Variants in COP1 observed in about 807,000 individuals in gnomAD.
COP1 encodes the protein COP1 E3 ubiquitin ligase.
A neutral mutation model predicts 101.3 loss-of-function variants in COP1; 24 were observed. The ratio of observed to expected loss-of-function variants is 0.24; its 90% CI spans 0.17 to 0.33. The LOEUF (loss-of-function observed/expected upper bound fraction) is 0.33, where lower values mean the gene tolerates loss of function less well. Among genes scored for constraint, COP1 ranks in the 10% least tolerant of loss-of-function variants. The pLI is 1.00. For synonymous variants in COP1, 347 were observed against 341.9 expected, an observed-to-expected ratio of 1.01 and a Z score of -0.17; for missense variants, 663 against 906.2, an observed-to-expected ratio of 0.73 and a Z score of 3.45.
intron 18 of COP1, among the ~76,000 whole-genome samples, chr1:175,951,450 A>G (rs1649894974): frequency 1.1e-5 from 1 of 93,068 alleles, no homozygotes; most frequent in African/African-American, 3.4e-5. Context: ...ATATATATAT[A>G]TATATATATA....
chr1:176,039,249 T>A lies in COP1; in HGVS notation c.1612+3937A>T, dbSNP rs368056922. Among the ~76,000 whole-genome samples, 11 of 152,228 alleles carry A rather than the reference T, an allele frequency of 7.2e-5. No individual in the cohort carries two copies. The South Asian group carries it at 1.9e-3, about 26-fold the overall frequency. ...GGAATCTCAGGGGAAATTTAAAATA[T>A]TCAGAACTAAGTGAAAATAAAAATA... On this transcript the variant is annotated intron_variant, in intron 14 of 19. Coordinates refer to ENST00000367669, the MANE Select transcript of COP1 (RefSeq NM_022457.7).
At chr1:175,994,042 T>A (rs1007114808) in intron 15 of COP1, among the ~76,000 whole-genome samples, 1 of 152,144 alleles carries the variant, frequency 6.6e-6, no homozygotes, top group Admixed American at 6.5e-5. Context: ...TAAGAGGGGA[T>A]CTCTGGGCAG....
intron 9 of COP1, among the ~76,000 whole-genome samples, chr1:176,090,837 G>A (rs1199385009): frequency 6.6e-6 from 1 of 152,210 alleles, no homozygotes; most frequent in African/African-American, 2.4e-5. Context: ...AATATTGGAA[G>A]AGTTGATGGC....
chr1:176,131,847 C>T (rs907403165), intron 8 of COP1, among the ~76,000 whole-genome samples: 2 of 151,854 alleles, frequency 1.3e-5, no homozygotes, highest in African/African-American at 4.8e-5. Context: ...ATTCACATCA[C>T]TTGTTCAGAG....
intron 15 of COP1, among the ~76,000 whole-genome samples, chr1:175,990,661 G>A (rs779833646): frequency 1.3e-5 from 2 of 152,030 alleles, no homozygotes; most frequent in Non-Finnish European, 2.9e-5. Context: ...CAAAAAGTTT[G>A]TTTTGAGGTG....
rs111728322 is a variant in COP1 at position 176,139,120 on chromosome 1, A to G, written c.832-2573T>C. ...ACCCCATTAAAAAATGGGCACAGACATAAACAGACAATTCCCAAAAGGCAA... is the reference window on the plus strand; with the variant it reads ...ACCCCATTAAAAAATGGGCACAGACGTAAACAGACAATTCCCAAAAGGCAA... On this transcript the variant is annotated intron_variant, in intron 6 of 19. Coordinates refer to ENST00000367669, the MANE Select transcript of COP1 (RefSeq NM_022457.7). 5.3e-3 allele frequency among the ~76,000 whole-genome samples: 803 copies of G among 152,116 alleles called. 7 individuals carry two copies. The highest frequency in any genetic ancestry group is 0.018 in the African/African-American group (740 of 41,462).
At chr1:176,134,594 G>A (rs1184021161) in intron 8 of COP1, among the ~76,000 whole-genome samples, 1 of 152,004 alleles carries the variant, frequency 6.6e-6, no homozygotes, top group Non-Finnish European at 1.5e-5. Context: ...CATTTTAAAT[G>A]TGGGAAAAGT....
chr1:176,107,201 C>T (rs994965157), intron 9 of COP1, among the ~76,000 whole-genome samples: 2 of 151,880 alleles, frequency 1.3e-5, no homozygotes, highest in African/African-American at 4.8e-5. Context: ...AAATATATAA[C>T]AATGTATATT....
chr1:176,182,733 T>C (rs1697955661), intron 2 of COP1, among the ~76,000 whole-genome samples: 1 of 152,204 alleles, frequency 6.6e-6, no homozygotes, highest in Admixed American at 6.5e-5. Context: ...AACAATGGCC[T>C]GAAAAGGCCA....
chr1:176,087,506 GATC>G (rs1336414230), intron 9 of COP1, among the ~76,000 whole-genome samples: 1 of 152,162 alleles, frequency 6.6e-6, no homozygotes, highest in Non-Finnish European at 1.5e-5. Flanking sequence ...ATGAAAAAGT[GATC>G]ATCATCATTG....
intron 5 of COP1, among the ~76,000 whole-genome samples, chr1:176,151,036 A>G (rs934266513): frequency 5.3e-5 from 8 of 152,244 alleles, no homozygotes; most frequent in South Asian, 4.1e-4. Context: ...CAAAATGTCT[A>G]GCCATATAAT....
intron 18 of COP1, 46 bp downstream of exon 18, chr1:175,986,897 G>A (rs1054179442): frequency 2.1e-5 from 29 of 1,405,144 alleles, no homozygotes; most frequent in Non-Finnish European, 2.7e-5. Context: ...TATACATAAT[G>A]CATAATATGA....
intron 5 of COP1, among the ~76,000 whole-genome samples, chr1:176,158,536 GT>G (rs1195626631): frequency 6.6e-6 from 1 of 151,064 alleles, no homozygotes; most frequent in African/African-American, 2.4e-5. Context: ...ACAACGTATT[GT>G]GGAATATATA....
intron 18 of COP1, among the ~76,000 whole-genome samples, chr1:175,964,171 T>A (rs2148553728): frequency 6.6e-6 from 1 of 152,300 alleles, no homozygotes; most frequent in African/African-American, 2.4e-5. Context: ...TTACAGCTAA[T>A]ACTTAATGGT....
At chr1:176,132,502 T>A (rs1163048496) in intron 8 of COP1, among the ~76,000 whole-genome samples, 2 of 150,754 alleles carry the variant, frequency 1.3e-5, no homozygotes, top group Non-Finnish European at 1.5e-5. Context: ...GATGGGGGTA[T>A]GTATGTGTGT....
At chr1:176,132,047 A>G (rs1688974533) in intron 8 of COP1, among the ~76,000 whole-genome samples, 1 of 151,528 alleles carries the variant, frequency 6.6e-6, no homozygotes, top group Admixed American at 6.6e-5. Flanking sequence ...TTTATTTTAC[A>G]ATACAACCAC....
Position 176,029,254 on chromosome 1 carries a change from TA to T in COP1, c.1613-1567del, listed in dbSNP as rs1668257877. Among the ~76,000 whole-genome samples the T allele has an allele frequency of 2.3e-5, 3 of 132,900 alleles. No individual in the cohort carries two copies. In the Admixed American group the frequency reaches 2.5e-4, roughly 11 times the overall value. 87.2% of individuals were successfully genotyped at this position (132,900 alleles called of 152,430 possible). A position where few individuals can be genotyped will look rare whatever the true frequency, so the allele number is the denominator to read the frequency against. On this transcript the variant is annotated intron_variant, in intron 14 of 19. Coordinates refer to ENST00000367669, the MANE Select transcript of COP1 (RefSeq NM_022457.7). Reference sequence around the variant, plus strand: ...TAAAGTAATATATTCTAGAATTATTTAGTTAAATTGCAAAATTTTGGTTTTG... The same window carrying T: ...TAAAGTAATATATTCTAGAATTATTTGTTAAATTGCAAAATTTTGGTTTTG...
At chr1:176,062,167 A>AT (rs1435520950) in intron 11 of COP1, among the ~76,000 whole-genome samples, 1 of 151,514 alleles carries the variant, frequency 6.6e-6, no homozygotes, top group African/African-American at 2.4e-5. Flanking sequence ...CGCCTGGATA[A>AT]TTTTTTTTGT....
chr1:176,028,846 C>G (rs1668187915), intron 14 of COP1, among the ~76,000 whole-genome samples: 1 of 151,114 alleles, frequency 6.6e-6, no homozygotes, highest in Non-Finnish European at 1.5e-5. Context: ...CAGCCTCTAC[C>G]TCCTAGGCTC....
Sources: allele counts gnomAD v4.1 joint callset (sites outside exome capture counted in the v4.1 genomes callset), GRCh38; gene constraint gnomAD v4.1.1; transcripts MANE v1.5; gene names NCBI Gene and HGNC (gene_info 2026-07-23, HGNC 2026-07-21).